CARMIL3: variants seen among roughly 807,000 people sequenced by gnomAD.
CARMIL3 encodes the protein capping protein regulator and myosin 1 linker 3, also known as capping protein, Arp2/3 and myosin-I linker protein 3.
CARMIL3 carries 88 observed loss-of-function variants against 180.8 expected under a neutral mutation model. The ratio of observed to expected loss-of-function variants is 0.49; its 90% CI spans 0.41 to 0.58. The LOEUF is 0.58. Among genes scored for constraint, CARMIL3 ranks in the 20% least tolerant of loss-of-function variants. The probability of loss-of-function intolerance (pLI) is 0.00; values close to 1 mark genes in which losing one functional copy is unlikely to be tolerated. For missense variants in CARMIL3, 1,548 were observed against 1,787.0 expected (o/e 0.87, Z 2.41); for synonymous variants, 696 against 714.5 (o/e 0.97, Z 0.41).
At position 24,059,839 on chromosome 14, in the gene CARMIL3, A is replaced by C; in HGVS notation, c.1868+107A>C. 3 of 1,535,490 alleles carry C rather than the reference A, an allele frequency of 2.0e-6. No homozygotes were observed. Among genetic ancestry groups the C allele is most frequent in the Non-Finnish European group, 2.7e-6 (3 of 1,110,996 alleles). On this transcript the variant is annotated intron_variant, in intron 22 of 39. Coordinates refer to ENST00000342740, the MANE Select transcript of CARMIL3 (RefSeq NM_138360.4). This position sits in a 1 kb window ranked among gnomAD's most constrained non-coding sequence, Gnocchi z 6.3. ...CCTAGCCCCTTTGACCTATTTGCAC[A>C]GAAATTTTAGGAAGGGCCATGGAAG... is the stretch of plus-strand genomic sequence containing the variant.
At chr14:24,064,367 C>T (rs770270919) in intron 32 of CARMIL3, 21 bp downstream of exon 32, 1 of 1,565,388 alleles carries the variant, frequency 6.4e-7, no homozygotes, top group Admixed American at 1.7e-5. Context: ...TAAACACACT[C>T]CCATTTTCAG....
chr14:24,056,416 G>A (rs369083036), intron 11 of CARMIL3, 23 bp downstream of exon 11: 31 of 1,604,952 alleles, frequency 1.9e-5, no homozygotes, highest in Non-Finnish European at 2.6e-5. Flanking sequence ...CCTGAATCCT[G>A]TCCCCATCCC....
At position 24,052,126 on chromosome 14, in the gene CARMIL3, TGCAGCAGCCTCA is replaced by T. The variant is rs779800309; in HGVS notation, c.-19_-8del. On this transcript the variant is annotated 5_prime_UTR_variant, in exon 1 of 40. Coordinates refer to ENST00000342740, the MANE Select transcript of CARMIL3 (RefSeq NM_138360.4). ...TCCCCGGCGGCGGCGGCGGCTCCTC[TGCAGCAGCCTCA>T]GCAGCAGCGGCCGCCATGGCCAAGC... 1.3e-6 allele frequency: 2 copies of T among 1,555,836 alleles called. No individual in the cohort carries two copies. Among genetic ancestry groups the T allele is most frequent in the Non-Finnish European group, 8.6e-7 (1 of 1,157,164 alleles).
chr14:24,055,153 C>T lies in CARMIL3; in HGVS notation c.531+17C>T, dbSNP rs751442082. 1 of 1,614,010 alleles carries T rather than the reference C, an allele frequency of 6.2e-7. No homozygotes were observed. The highest frequency in any genetic ancestry group is 1.1e-5 in the South Asian group (1 of 91,076). Reference sequence around the variant, plus strand: ...GTTCAATGGGTATGTTGGGCAGGGACCCCATAGGGAACAGGTGGGACCTGG... The same window carrying T: ...GTTCAATGGGTATGTTGGGCAGGGATCCCATAGGGAACAGGTGGGACCTGG... On this transcript the variant is annotated intron_variant, in intron 7 of 39. Transcript: ENST00000342740.
Position 24,065,691 on chromosome 14 carries a change from G to C in CARMIL3, c.3466G>C (p.Gly1156Arg). The C allele has an allele frequency of 6.2e-7, 1 of 1,614,078 alleles. No individual in the cohort carries two copies. Among genetic ancestry groups the C allele is most frequent in the South Asian group, 1.1e-5 (1 of 91,072 alleles). The change falls in exon 34 of 40, where the codon GGT becomes CGT. Residue 1156 changes from glycine to arginine, a missense_variant. Coordinates refer to ENST00000342740, the MANE Select transcript of CARMIL3 (RefSeq NM_138360.4). Reference sequence around the variant, plus strand: ...GACAGCACAGCAGCCAAGGGTTCACGGTGTTGCCCTTCCCGGGTTGGAAAG... The same window carrying C: ...GACAGCACAGCAGCCAAGGGTTCACCGTGTTGCCCTTCCCGGGTTGGAAAG... ...PGTAQQPRVH[G>R]VALPGLERAK...
At chr14:24,063,037 G>A (rs2035748022) in intron 29 of CARMIL3, 83 bp from the exon 30 acceptor site, 1 of 1,575,218 alleles carries the variant, frequency 6.3e-7, no homozygotes, top group Non-Finnish European at 8.7e-7. Context: ...GCGAGGGGCA[G>A]GATGGGCTCA....
chr14:24,059,864 G>A lies in CARMIL3; in HGVS notation c.1869-106G>A. The A allele has an allele frequency of 1.3e-6, 2 of 1,534,534 alleles. No individual in the cohort carries two copies. Among genetic ancestry groups the A allele is most frequent in the Non-Finnish European group, 1.8e-6 (2 of 1,110,440 alleles). On this transcript the variant is annotated intron_variant, in intron 22 of 39. Coordinates refer to ENST00000342740, the MANE Select transcript of CARMIL3 (RefSeq NM_138360.4). This position sits in a 1 kb window ranked among gnomAD's most constrained non-coding sequence, Gnocchi z 6.3. ...AGAAATTTTAGGAAGGGCCATGGAAGACAGAAATGATGAGCAAGGGGGCTG... is the reference window on the plus strand; with the variant it reads ...AGAAATTTTAGGAAGGGCCATGGAAAACAGAAATGATGAGCAAGGGGGCTG...
rs1227953009 is a variant in CARMIL3, at chr14:24,065,881, C to T, written c.3525+131C>T. 3.1e-6 allele frequency: 4 copies of T among 1,299,310 alleles called. No individual in the cohort carries two copies. The African/African-American group carries it at 5.9e-5, about 19-fold the overall frequency. The allele number at this position is 1,299,310 out of a possible 1,614,324, so 80.5% of individuals were successfully genotyped here. On this transcript the variant is annotated intron_variant, in intron 34 of 39. Transcript: ENST00000342740. ...CTTTGGCATTAGAAGATGTTAGCTGCTCTTCAGCCCCCACCACACACTTGC... is the reference window on the plus strand; with the variant it reads ...CTTTGGCATTAGAAGATGTTAGCTGTTCTTCAGCCCCCACCACACACTTGC...
Position 24,052,178 on chromosome 14 carries a change from A to G in CARMIL3, c.25A>G (p.Thr9Ala), listed in dbSNP as rs2035622893. 6.3e-7 allele frequency: 1 copy of G among 1,592,936 alleles called. No individual in the cohort carries two copies. Among genetic ancestry groups the G allele is most frequent in the African/African-American group, 1.4e-5 (1 of 73,646 alleles). The change falls in exon 1 of 40, where the codon ACC becomes GCC. Residue 9 changes from threonine (T) to alanine (A), a missense_variant. Thr to Ala is a moderately conservative substitution (Grantham distance 58). Around this residue, in one of 4 missense-constraint regions of CARMIL3, gnomAD observed 578 missense variants for 666.5 expected, o/e 0.87. Transcript: ENST00000342740. The stretch of plus-strand genomic sequence containing the variant: ...CATGGCCAAGCCCAGCGTGGAGCTC[A>G]CCCGCGAGTTGCAAGGTACGAGGCT... Reference protein sequence around the residue: MAKPSVELTRELQDSIRRC... With the variant: MAKPSVELARELQDSIRRC...
Position 24,060,766 on chromosome 14 carries a change from C to T in CARMIL3, c.2190+10C>T, listed in dbSNP as rs1414589702. ...CAAGAACTCCCGGGCGGTGAGCCCT[C>T]CACAGGCTACCCTTCCCCTGAAGTC... On this transcript the variant is annotated intron_variant, in intron 25 of 39. Transcript: ENST00000342740. 3 of 1,611,724 alleles carry T rather than the reference C, an allele frequency of 1.9e-6. No homozygotes were observed. Among genetic ancestry groups the T allele is most frequent in the Non-Finnish European group, 2.5e-6 (3 of 1,178,748 alleles).
At position 24,057,230 on chromosome 14, in the gene CARMIL3, T is replaced by C; in HGVS notation, c.1126T>C (p.Cys376Arg). The change falls in exon 14 of 40, where the codon TGC (cysteine) becomes CGC (arginine). Residue 376 changes from cysteine (C) to arginine (R), a missense_variant. Physicochemically the swap from Cys to Arg is radical, Grantham distance 180. Coordinates refer to ENST00000342740, the MANE Select transcript of CARMIL3 (RefSeq NM_138360.4). ...GCACCTGGACCTGTCAGGAACTGAC[T>C]GCGTCATCGACTTGGTGAGGAGTTG... is the stretch of plus-strand genomic sequence containing the variant. ...LVHLDLSGTDCVIDLLLGALL... is the reference protein window; with the variant it reads ...LVHLDLSGTDRVIDLLLGALL... 1 of 1,614,014 alleles carries C rather than the reference T, an allele frequency of 6.2e-7. No homozygotes were observed. Among genetic ancestry groups the C allele is most frequent in the Non-Finnish European group, 8.5e-7 (1 of 1,179,930 alleles).
rs376847836 is a variant in CARMIL3, at chr14:24,062,473, C to T, written c.2481-7C>T. 17 of 1,613,468 alleles carry T rather than the reference C, an allele frequency of 1.1e-5. No homozygotes were observed. In the African/African-American group the frequency reaches 2.3e-4, roughly 22 times the overall value. Reference sequence around the variant, plus strand: ...AATGTTCTGAGTAGCCCCACCTGTGCCCACAGTGAAGTGAAGCTCTCAGTC... The same window carrying T: ...AATGTTCTGAGTAGCCCCACCTGTGTCCACAGTGAAGTGAAGCTCTCAGTC... On this transcript the variant is annotated splice_region_variant and splice_polypyrimidine_tract_variant and intron_variant, in intron 27 of 39. Coordinates refer to ENST00000342740, the MANE Select transcript of CARMIL3 (RefSeq NM_138360.4).
chr14:24,069,673 C>T lies in CARMIL3; in HGVS notation c.*269C>T, dbSNP rs1483236322. 3 of 550,910 alleles carry T rather than the reference C, an allele frequency of 5.4e-6. No individual in the cohort carries two copies. The highest frequency in any genetic ancestry group is 9.7e-6 in the Non-Finnish European group (3 of 308,380). The allele number at this position is 550,910 out of a possible 1,614,324, so 34.1% of individuals were successfully genotyped here. On this transcript the variant is annotated 3_prime_UTR_variant, in exon 40 of 40. Transcript: ENST00000342740. ...CTCCCCCAGGAGGGTGGATCTCTGT[C>T]CCTCTATCCCCAGGGACTCTCTCCC...
At chr14:24,057,552 C>G (rs371054421) in intron 14 of CARMIL3, among the ~76,000 whole-genome samples, 14 of 152,272 alleles carry the variant, frequency 9.2e-5, no homozygotes, top group East Asian at 7.7e-4. Context: ...AGTGGTGGCC[C>G]TGGCTTTACA....
At position 24,061,722 on chromosome 14, in the gene CARMIL3, A is replaced by T; in HGVS notation, c.2480+50A>T. 6.4e-7 allele frequency: 1 copy of T among 1,563,978 alleles called. No homozygotes were observed. The highest frequency in any genetic ancestry group is 1.2e-5 in the South Asian group (1 of 86,252). ...GGCTGAGCTGGATTTGGCCCAGATC[A>T]CTTAGGGACTTAGGACTGGAGAGCT... is the stretch of plus-strand genomic sequence containing the variant. On this transcript the variant is annotated intron_variant, in intron 27 of 39. Transcript: ENST00000342740. This position sits in a 1 kb window ranked among gnomAD's most constrained non-coding sequence, Gnocchi z 4.1.
In CARMIL3 at chr14:24,060,941, C is replaced by G; in HGVS notation, c.2205C>G (p.Leu735=). The G allele has an allele frequency of 1.3e-6, 2 of 1,551,726 alleles. No homozygotes were observed. Among genetic ancestry groups the G allele is most frequent in the South Asian group, 2.4e-5 (2 of 84,058 alleles). ...TCCTTCTCCAGCTGTTTCCCAGCCT[C>G]TATGAGCTGGGCCACGTGCTGGCCA... ...AKNSRALFPS[L]YELGHVLAND... is the part of the protein sequence containing the mutation. Residue 735 remains leucine, a synonymous_variant, in exon 26 of 40, where the codon CTC becomes CTG. Transcript: ENST00000342740.
In CARMIL3 at chr14:24,069,522, A is replaced by C; in HGVS notation, c.*118A>C. 7.4e-7 allele frequency: 1 copy of C among 1,360,534 alleles called. No individual in the cohort carries two copies. Among genetic ancestry groups the C allele is most frequent in the South Asian group, 1.3e-5 (1 of 79,844 alleles). 84.3% of individuals were successfully genotyped at this position (1,360,534 alleles called of 1,614,324 possible). On this transcript the variant is annotated 3_prime_UTR_variant, in exon 40 of 40. Coordinates refer to ENST00000342740, the MANE Select transcript of CARMIL3 (RefSeq NM_138360.4). ...CCCTGTCCTACAGGGGCAAGACGGC[A>C]GGACCAGGCATGGGGGAGCTGGAGG...
Position 24,068,715 on chromosome 14 carries a change from A to G in CARMIL3, c.3801+13A>G. On this transcript the variant is annotated intron_variant, in intron 37 of 39. Coordinates refer to ENST00000342740, the MANE Select transcript of CARMIL3 (RefSeq NM_138360.4). ...TAGGAATGCCAAGGTGAGAGCTGGCAAGATGGGTGGGGGAGGCACTTTGAT... is the reference window on the plus strand; with the variant it reads ...TAGGAATGCCAAGGTGAGAGCTGGCGAGATGGGTGGGGGAGGCACTTTGAT... 1 of 1,613,550 alleles carries G rather than the reference A, an allele frequency of 6.2e-7. No homozygotes were observed. The highest frequency in any genetic ancestry group is 8.5e-7 in the Non-Finnish European group (1 of 1,179,724).
Position 24,068,490 on chromosome 14 carries a change from C to A in CARMIL3, c.3683-94C>A, listed in dbSNP as rs1389689748. ...GCAAGTGGGCTTGGAGGGAGAAAGTCCTGGCCTCCAGGGCTTCAGTGGAGA... is the reference window on the plus strand; with the variant it reads ...GCAAGTGGGCTTGGAGGGAGAAAGTACTGGCCTCCAGGGCTTCAGTGGAGA... On this transcript the variant is annotated intron_variant, in intron 36 of 39. Transcript: ENST00000342740. 3.1e-5 allele frequency: 34 copies of A among 1,107,684 alleles called. No homozygotes were observed. In the East Asian group the frequency reaches 8.4e-4, roughly 27 times the overall value. The allele number at this position is 1,107,684 out of a possible 1,614,324, so 68.6% of individuals were successfully genotyped here. A position where few individuals can be genotyped will look rare whatever the true frequency, so the allele number is the denominator to read the frequency against.
Sources: gnomAD v4.1 joint callset for allele counts (sites outside exome capture counted in the v4.1 genomes callset) on GRCh38, gnomAD v4.1.1 for gene constraint, gnomAD v4.1.1 regional missense constraint, Gnocchi (gnomAD v3.1) non-coding constraint, MANE v1.5 for transcripts, NCBI Gene and HGNC (gene_info 2026-07-23, HGNC 2026-07-21) for gene names.